The following DNAH7 variants were observed in gnomAD, a reference collection of about 807,000 sequenced individuals.
DNAH7 encodes axonemal beta dynein heavy chain 7.
In DNAH7, 397 loss-of-function variants were observed where a neutral mutation model predicts 444.6. The observed-to-expected ratio is 0.89, with a 90% confidence interval of 0.82 to 0.97. The LOEUF is 0.97. Among genes scored for constraint, DNAH7 ranks in the 50% least tolerant of loss-of-function variants. The pLI is 0.00. For synonymous variants in DNAH7, 1,636 were observed against 1,624.4 expected (o/e 1.01, Z -0.17); for missense variants, 4,902 against 4,800.8 (o/e 1.02, Z -0.62).
chr2:195,975,675 G>A (rs1692143054), intron 15 of DNAH7, among the ~76,000 whole-genome samples: 1 of 152,198 alleles, frequency 6.6e-6, no homozygotes, highest in African/African-American at 2.4e-5. Context: ...CACTTGAGGA[G>A]AGGAAGAGAA....
chr2:195,950,851 CAAAAAAAAAAAA>C lies in DNAH7; in HGVS notation c.3078+6398_3078+6409del, dbSNP rs67782183. 2.5e-3 allele frequency among the ~76,000 whole-genome samples: 92 copies of C among 36,722 alleles called. 1 individual carries two copies. The highest frequency in any genetic ancestry group is 8.6e-3 in the African/African-American group (90 of 10,480). The allele number at this position is 36,722 out of a possible 152,430, so 24.1% of individuals were successfully genotyped here. On this transcript the variant is annotated intron_variant, in intron 19 of 64. Transcript: ENST00000312428. ...TAGGCAACAGAGTGGGACTCTGTCT[CAAAAAAAAAAAA>C]AAAAAAAAAAAAAAAACCCAGCTCC... is the stretch of plus-strand genomic sequence containing the variant.
At position 196,030,893 on chromosome 2, in the gene DNAH7, G is replaced by A. The variant is rs188321088; in HGVS notation, c.399-2846C>T. Among the ~76,000 whole-genome samples the A allele has an allele frequency of 6.7e-4, 102 of 152,306 alleles. 1 individual carries two copies. Among genetic ancestry groups the A allele is most frequent in the East Asian group, 5.8e-3 (30 of 5,182 alleles). ...GTGTTGAGTGTCTGCGGCTTTTCCA[G>A]GCAAACGGTGCAAGCTGTCAGTGGA... On this transcript the variant is annotated intron_variant, in intron 5 of 64. Coordinates refer to ENST00000312428, the MANE Select transcript of DNAH7 (RefSeq NM_018897.3).
At chr2:195,987,607 C>A (rs1474763472) in intron 13 of DNAH7, among the ~76,000 whole-genome samples, 2 of 151,968 alleles carry the variant, frequency 1.3e-5, no homozygotes, top group African/African-American at 4.8e-5. Flanking sequence ...CTAAACAGAA[C>A]CATATTTTGG....
chr2:195,920,055 A>G (rs1303513988), intron 24 of DNAH7, among the ~76,000 whole-genome samples: 1 of 152,202 alleles, frequency 6.6e-6, no homozygotes, highest in Non-Finnish European at 1.5e-5. Flanking sequence ...ATAAATCACT[A>G]CATGAAAACA....
intron 21 of DNAH7, among the ~76,000 whole-genome samples, chr2:195,929,930 C>G (rs761389821): frequency 2.6e-5 from 4 of 152,204 alleles, no homozygotes; most frequent in Non-Finnish European, 5.9e-5. Context: ...ACAGAGTAAA[C>G]AGACAACCTA....
At chr2:195,806,872 T>G (rs371443977) in intron 53 of DNAH7, 40 bp from the exon 54 acceptor site, 1 of 1,531,296 alleles carries the variant, frequency 6.5e-7, no homozygotes, top group Non-Finnish European at 9.0e-7. Flanking sequence ...TTTTGGAGAT[T>G]ATAAAGAGAA....
chr2:195,923,168 G>C (rs1012186928), intron 23 of DNAH7, among the ~76,000 whole-genome samples: 1 of 152,078 alleles, frequency 6.6e-6, no homozygotes, highest in South Asian at 2.1e-4. Context: ...CCAGCAATGA[G>C]AGGAAACTTT....
chr2:196,024,403 A>G lies in DNAH7; in HGVS notation c.743+26T>C, dbSNP rs747012718. ...ATACAGAAATGGTCACATAATCAAC[A>G]TTCTTAGAGAAATCTGATCACTTAC... is the stretch of plus-strand genomic sequence containing the variant. On this transcript the variant is annotated intron_variant, in intron 8 of 64. Transcript: ENST00000312428. The G allele has an allele frequency of 2.3e-5, 34 of 1,495,282 alleles. No individual in the cohort carries two copies. In the Middle Eastern group the frequency reaches 7.0e-4, roughly 31 times the overall value. The allele number at this position is 1,495,282 out of a possible 1,614,324, so 92.6% of individuals were successfully genotyped here.
At chr2:195,892,552 C>T (rs1176505562) in intron 30 of DNAH7, 1 of 151,476 alleles carries the variant, frequency 6.6e-6, no homozygotes, top group Non-Finnish European at 1.5e-5. Context: ...TACGAAGATT[C>T]CAGATACTCT....
At chr2:195,921,352 TAC>T (rs140152411) in intron 24 of DNAH7, among the ~76,000 whole-genome samples, 6,305 of 140,308 alleles carry the variant, frequency 0.045, 135 homozygotes, top group African/African-American at 0.065. Flanking sequence ...AAATGTGGTG[TAC>T]ACACACACAC....
At chr2:195,846,459 A>C (rs1239802303) in intron 46 of DNAH7, among the ~76,000 whole-genome samples, 3 of 152,216 alleles carry the variant, frequency 2.0e-5, no homozygotes, top group African/African-American at 4.8e-5. Flanking sequence ...GTGATTTCTC[A>C]AAGAACCTAG....
chr2:195,833,051 C>T (rs936829276), intron 48 of DNAH7, among the ~76,000 whole-genome samples: 1 of 152,116 alleles, frequency 6.6e-6, no homozygotes, highest in Non-Finnish European at 1.5e-5. Context: ...AGGACAGTCC[C>T]CTGCCCATTA....
chr2:196,006,316 C>A (rs1694372151), intron 10 of DNAH7, among the ~76,000 whole-genome samples: 2 of 152,128 alleles, frequency 1.3e-5, no homozygotes, highest in Admixed American at 1.3e-4. Context: ...CAAAAAAAGA[C>A]AGGATTATCT....
chr2:195,994,713 T>C, intron 12 of DNAH7: 1 of 494,992 alleles, frequency 2.0e-6, no homozygotes, highest in South Asian at 1.6e-5. Flanking sequence ...CCATTTGGTC[T>C]TTAAGACCAC....
chr2:195,949,576 G>T (rs946956297), intron 19 of DNAH7, among the ~76,000 whole-genome samples: 1 of 152,016 alleles, frequency 6.6e-6, no homozygotes, highest in East Asian at 1.9e-4. Context: ...GAGCCACAGC[G>T]CCTGGCTTAC....
chr2:196,023,072 T>G (rs1277698484), intron 8 of DNAH7, among the ~76,000 whole-genome samples: 2 of 151,778 alleles, frequency 1.3e-5, no homozygotes, highest in Non-Finnish European at 2.9e-5. Context: ...GTGCTGGAGG[T>G]GGGGCCTGTT....
At chr2:195,849,621 G>A (rs1298290057) in intron 46 of DNAH7, among the ~76,000 whole-genome samples, 1 of 151,846 alleles carries the variant, frequency 6.6e-6, no homozygotes, top group Non-Finnish European at 1.5e-5. Context: ...ATTTTTTTGA[G>A]ACGGAATCTT....
chr2:195,795,440 ATGT>A (rs1002810944), intron 56 of DNAH7, among the ~76,000 whole-genome samples: 4 of 152,348 alleles, frequency 2.6e-5, no homozygotes, highest in African/African-American at 9.6e-5. Context: ...GTATGAGGAA[ATGT>A]TGTAAGGCAA....
chr2:195,778,643 A>AATATATATATAT lies in DNAH7; in HGVS notation c.10879-670_10879-659dup, dbSNP rs1169066622. 4.3e-4 allele frequency among the ~76,000 whole-genome samples: 24 copies of AATATATATATAT among 56,218 alleles called. 4 individuals are homozygous for AATATATATATAT. Among genetic ancestry groups the AATATATATATAT allele is most frequent in the African/African-American group, 1.1e-3 (11 of 10,024 alleles). 36.9% of individuals were successfully genotyped at this position (56,218 alleles called of 152,430 possible). On this transcript the variant is annotated intron_variant, in intron 58 of 64. Transcript: ENST00000312428. ...GAAAAAAAAAAAAAATAAATAAATA[A>AATATATATATAT]ATATATATATATATATATATATATA...
Sources: gnomAD v4.1 joint callset for allele counts (sites outside exome capture counted in the v4.1 genomes callset) on GRCh38, gnomAD v4.1.1 for gene constraint, MANE v1.5 for transcripts, NCBI Gene and HGNC (gene_info 2026-07-23, HGNC 2026-07-21) for gene names.